Variants in RNF8 observed in about 807,000 individuals in gnomAD.
RNF8 encodes ring finger protein 8.
Under a neutral mutation model 59.3 loss-of-function variants are expected in RNF8, and 8 were observed. The ratio of observed to expected loss-of-function variants is 0.13; its 90% confidence interval spans 0.08 to 0.24. RNF8 has a LOEUF of 0.24. Ranked by LOEUF, RNF8 falls within the 10% of genes least tolerant of loss-of-function variation. The probability of loss-of-function intolerance (pLI) is 1.00; values close to 1 mark genes in which losing one functional copy is unlikely to be tolerated. For synonymous variants in RNF8, 162 were observed against 200.0 expected (o/e 0.81, Z 1.60); for missense variants, 406 against 572.6 (o/e 0.71, Z 2.97).
Position 37,376,996 on chromosome 6 carries a change from A to T in RNF8, c.1199A>T (p.Glu400Val), listed in dbSNP as rs1462345377. 1 of 1,583,248 alleles carries T rather than the reference A, an allele frequency of 6.3e-7. No homozygotes were observed. Among genetic ancestry groups the T allele is most frequent in the Non-Finnish European group, 8.6e-7 (1 of 1,159,272 alleles). The change falls in exon 6 of 8, where the codon GAG (glutamate) becomes GTG (valine). Residue 400 changes from glutamate (E) to valine (V), a missense_variant. Around this residue, in one of 3 missense-constraint regions of RNF8, gnomAD observed 59 missense variants for 118.5 expected, o/e 0.50. Transcript: ENST00000373479. ...CACATGAATGATGTGCTAGAGAATG[A>T]GCTCCAATGTATTATTTGTTCAGAA... ...LSHMNDVLEN[E>V]LQCIICSEYF...
At position 37,385,719 on chromosome 6, in the gene RNF8, C is replaced by A. The variant is rs191456979; in HGVS notation, c.1441+4365C>A. Among the ~76,000 whole-genome samples, 135 of 152,234 alleles carry A rather than the reference C, an allele frequency of 8.9e-4. 2 individuals are homozygous for A. In the East Asian group the frequency reaches 0.023, roughly 26 times the overall value. On this transcript the variant is annotated intron_variant, in intron 7 of 7. Coordinates refer to ENST00000373479, the MANE Select transcript of RNF8 (RefSeq NM_003958.4). ...TAGTGGGATAGTAACATTATTGTTA[C>A]TAGAAGCTTTTTAATTTCTCTATCA... is the stretch of plus-strand genomic sequence containing the variant.
intron 1 of RNF8, among the ~76,000 whole-genome samples, chr6:37,359,601 T>C (rs958755900): frequency 2.6e-5 from 4 of 152,188 alleles, no homozygotes; most frequent in Non-Finnish European, 5.9e-5. Flanking sequence ...TCCAAGGTTT[T>C]CCATCCAGTC....
chr6:37,375,390 G>T (rs1317452586), intron 5 of RNF8, among the ~76,000 whole-genome samples: 1 of 152,166 alleles, frequency 6.6e-6, no homozygotes, highest in Non-Finnish European at 1.5e-5. Flanking sequence ...TTAAATATTG[G>T]CAACAACTTC....
intron 6 of RNF8, among the ~76,000 whole-genome samples, chr6:37,379,594 G>C (rs947305680): frequency 6.6e-6 from 1 of 152,140 alleles, no homozygotes; most frequent in Non-Finnish European, 1.5e-5. Context: ...ACTCAGAGGA[G>C]CCCCACAAAT....
intron 5 of RNF8, 53 bp from the exon 6 acceptor site, chr6:37,376,873 T>G (rs1770039157): frequency 8.6e-7 from 1 of 1,159,494 alleles, no homozygotes; most frequent in East Asian, 2.3e-5. Context: ...CCCTGTCCCA[T>G]TTTGCATTTT....
intron 7 of RNF8, among the ~76,000 whole-genome samples, chr6:37,390,478 G>A (rs1168582119): frequency 1.3e-5 from 2 of 152,146 alleles, no homozygotes; most frequent in Non-Finnish European, 2.9e-5. Flanking sequence ...GTGAGCGCTG[G>A]GGAGTGGGTA....
chr6:37,390,848 T>G lies in RNF8; in HGVS notation c.*90T>G. 1 of 1,612,074 alleles carries G rather than the reference T, an allele frequency of 6.2e-7. No homozygotes were observed. The highest frequency in any genetic ancestry group is 8.5e-7 in the Non-Finnish European group (1 of 1,178,148). On this transcript the variant is annotated 3_prime_UTR_variant, in exon 8 of 8. Coordinates refer to ENST00000373479, the MANE Select transcript of RNF8 (RefSeq NM_003958.4). Reference sequence around the variant, plus strand: ...TTCTCTCTAGCCGTGACTCCGCTGCTCTGAAGGTCAACTGAGAAGTCTTGT... The same window carrying G: ...TTCTCTCTAGCCGTGACTCCGCTGCGCTGAAGGTCAACTGAGAAGTCTTGT...
At chr6:37,374,540 G>A (rs534697965) in intron 4 of RNF8, 80 bp from the exon 5 acceptor site, 27 of 1,001,978 alleles carry the variant, frequency 2.7e-5, no homozygotes, top group Non-Finnish European at 4.2e-5. Flanking sequence ...TAACTAGAGG[G>A]AGAGAACAGG....
chr6:37,357,766 C>A (rs1769173860), intron 1 of RNF8, among the ~76,000 whole-genome samples: 1 of 152,194 alleles, frequency 6.6e-6, no homozygotes. Flanking sequence ...AATACAGTCT[C>A]TAACTTCTGA....
rs78263396 is a variant in RNF8, at chr6:37,382,685, C to G, written c.1441+1331C>G. Reference sequence around the variant, plus strand: ...CATGGCAAATGGCTTCACAAAACATCAGGGAAAGAAAAGGCTGGGCACGGT... The same window carrying G: ...CATGGCAAATGGCTTCACAAAACATGAGGGAAAGAAAAGGCTGGGCACGGT... On this transcript the variant is annotated intron_variant, in intron 7 of 7. Coordinates refer to ENST00000373479, the MANE Select transcript of RNF8 (RefSeq NM_003958.4). Among the ~76,000 whole-genome samples, 538 of 152,124 alleles carry G rather than the reference C, an allele frequency of 3.5e-3. 3 individuals are homozygous for G. The highest frequency in any genetic ancestry group is 0.011 in the African/African-American group (465 of 41,508).
intron 7 of RNF8, among the ~76,000 whole-genome samples, chr6:37,388,623 G>C (rs1337473562): frequency 6.6e-6 from 1 of 152,102 alleles, no homozygotes; most frequent in Non-Finnish European, 1.5e-5. Flanking sequence ...CAAAGAGAGA[G>C]ATGGAAAAAG....
Position 37,392,296 on chromosome 6 carries a change from A to G in RNF8, c.*1538A>G, listed in dbSNP as rs187084631. 437 of 397,006 alleles carry G rather than the reference A, an allele frequency of 1.1e-3. 4 individuals are homozygous for G. In the East Asian group the frequency reaches 0.015, roughly 14 times the overall value. 24.6% of individuals were successfully genotyped at this position (397,006 alleles called of 1,614,324 possible). A position where few individuals can be genotyped will look rare whatever the true frequency, so the allele number is the denominator to read the frequency against. On this transcript the variant is annotated 3_prime_UTR_variant, in exon 8 of 8. Coordinates refer to ENST00000373479, the MANE Select transcript of RNF8 (RefSeq NM_003958.4). ...TTATAGATTGCATGGGTATATGTCA[A>G]TTTTTATATGTTCTGTGTTTAGTTT...
intron 3 of RNF8, among the ~76,000 whole-genome samples, 157 bp from the exon 4 acceptor site, chr6:37,371,355 A>G (rs1769794805): frequency 6.6e-6 from 1 of 152,166 alleles, no homozygotes; most frequent in South Asian, 2.1e-4. Context: ...CTTTACTGCC[A>G]ACAGCTTGAA....
chr6:37,379,085 CG>C (rs1391689328), intron 6 of RNF8, among the ~76,000 whole-genome samples: 1 of 152,110 alleles, frequency 6.6e-6, no homozygotes, highest in African/African-American at 2.4e-5. Flanking sequence ...GGCGCAATCT[CG>C]GCTCACTGCA....
chr6:37,368,251 C>A, intron 2 of RNF8: 1 of 799,100 alleles, frequency 1.3e-6, no homozygotes, highest in Non-Finnish European at 1.9e-6. Context: ...TGATTCCTGC[C>A]TGTTATATGG....
intron 1 of RNF8, among the ~76,000 whole-genome samples, 167 bp downstream of exon 1, chr6:37,354,442 G>A (rs781121380): frequency 3.3e-5 from 5 of 151,908 alleles, no homozygotes; most frequent in Non-Finnish European, 7.4e-5. Flanking sequence ...GGGAGAGAAG[G>A]GAGAAAGCGG....
At chr6:37,361,959 C>T (rs528724678) in intron 2 of RNF8, among the ~76,000 whole-genome samples, 6 of 152,290 alleles carry the variant, frequency 3.9e-5, no homozygotes, top group Admixed American at 2.6e-4. Flanking sequence ...CTATAATGAG[C>T]CAGGACTTAA....
At chr6:37,355,243 G>T (rs1769068958) in intron 1 of RNF8, among the ~76,000 whole-genome samples, 1 of 152,166 alleles carries the variant, frequency 6.6e-6, no homozygotes, top group South Asian at 2.1e-4. Context: ...TGATGACTGG[G>T]AACCATTTGG....
At chr6:37,372,996 A>G (rs73425609) in intron 4 of RNF8, among the ~76,000 whole-genome samples, 1,824 of 152,280 alleles carry the variant, frequency 0.012, 45 homozygotes, top group African/African-American at 0.041. Context: ...TCATGGTTCT[A>G]TACCATCATG....
Sources: gnomAD v4.1 joint callset for allele counts (sites outside exome capture counted in the v4.1 genomes callset) on GRCh38, gnomAD v4.1.1 for gene constraint, gnomAD v4.1.1 regional missense constraint, MANE v1.5 for transcripts, NCBI Gene and HGNC (gene_info 2026-07-23, HGNC 2026-07-21) for gene names.